Variants in SMAGP observed in about 807,000 individuals in gnomAD.
The protein encoded by SMAGP is small cell transmembrane and glycosylated protein.
SMAGP carries 7 observed loss-of-function variants against 10.1 expected under a neutral mutation model. That is an observed-to-expected ratio of 0.70 (90% confidence interval 0.40 to 1.31). SMAGP has a LOEUF of 1.31. SMAGP is among the 50% of genes most tolerant of loss of function. The pLI is 0.01. For missense variants in SMAGP, 113 were observed against 116.5 expected (o/e 0.97, Z 0.14); for synonymous variants, 49 against 47.2 (o/e 1.04, Z -0.16).
intron 2 of SMAGP, among the ~76,000 whole-genome samples, chr12:51,260,525 C>T (rs12811320): frequency 0.05 from 7,631 of 151,390 alleles, 281 homozygotes; most frequent in Non-Finnish European, 0.082. Flanking sequence ...TACAGGTGCC[C>T]GCCACCACGC....
chr12:51,247,690 T>C (rs1213538567), intron 2 of SMAGP, among the ~76,000 whole-genome samples: 2 of 152,194 alleles, frequency 1.3e-5, no homozygotes, highest in Non-Finnish European at 2.9e-5. Flanking sequence ...ACCAGCTGGC[T>C]GATCCTGGCA....
chr12:51,255,806 C>T (rs903775011), intron 2 of SMAGP, among the ~76,000 whole-genome samples: 10 of 152,280 alleles, frequency 6.6e-5, no homozygotes, highest in African/African-American at 2.4e-4. Context: ...GGGTCTTGCT[C>T]TGTTGTCCAG....
chr12:51,267,654 C>T (rs554101839), intron 2 of SMAGP, among the ~76,000 whole-genome samples: 12 of 152,100 alleles, frequency 7.9e-5, no homozygotes, highest in South Asian at 2.1e-4. Flanking sequence ...CCACCAAGCC[C>T]GGCTAATTTT....
intron 2 of SMAGP, among the ~76,000 whole-genome samples, chr12:51,259,532 T>C (rs890885377): frequency 1.3e-5 from 2 of 152,140 alleles, no homozygotes; most frequent in Non-Finnish European, 2.9e-5. Context: ...ATTTAACACA[T>C]TCCTTGCTCT....
chr12:51,250,750 T>A (rs1000154132), intron 2 of SMAGP, among the ~76,000 whole-genome samples: 1 of 152,196 alleles, frequency 6.6e-6, no homozygotes, highest in Non-Finnish European at 1.5e-5. Context: ...CACAATGATT[T>A]CTGCCTCCTG....
intron 2 of SMAGP, among the ~76,000 whole-genome samples, chr12:51,249,678 C>T (rs567831153): frequency 4.0e-4 from 61 of 151,868 alleles, no homozygotes; most frequent in South Asian, 8.3e-4. Context: ...AGTGCAGTGG[C>T]GCAATCTCGG....
chr12:51,268,920 C>T (rs1316360592), intron 2 of SMAGP, among the ~76,000 whole-genome samples: 6 of 152,098 alleles, frequency 3.9e-5, no homozygotes, highest in Non-Finnish European at 8.8e-5. Context: ...TGGGGTCTCA[C>T]TATGTTCCCC....
intron 2 of SMAGP, among the ~76,000 whole-genome samples, chr12:51,250,621 ATCT>A (rs1346020199): frequency 2.0e-5 from 3 of 151,712 alleles, no homozygotes; most frequent in Admixed American, 1.3e-4. Flanking sequence ...ACCTCAAGCA[ATCT>A]TCCTGCCTTG....
chr12:51,244,563 A>C lies in SMAGP; in HGVS notation c.*1378T>G, dbSNP rs1271864780. Reference sequence around the variant, plus strand: ...TGGACAACAGAGGCAATACATTAAGACTTCAAAGGAGATCTAGCTTTAATT... The same window carrying C: ...TGGACAACAGAGGCAATACATTAAGCCTTCAAAGGAGATCTAGCTTTAATT... On this transcript the variant is annotated 3_prime_UTR_variant, in exon 4 of 4. Coordinates refer to ENST00000603798, the MANE Select transcript of SMAGP (RefSeq NM_001031628.2). 3 of 152,228 alleles carry C rather than the reference A, an allele frequency of 2.0e-5. No individual in the cohort carries two copies. The highest frequency in any genetic ancestry group is 2.9e-5 in the Non-Finnish European group (2 of 68,038). The allele number at this position is 152,228 out of a possible 1,614,324, so 9.4% of individuals were successfully genotyped here.
intron 2 of SMAGP, among the ~76,000 whole-genome samples, chr12:51,268,641 G>A (rs1000906103): frequency 7.3e-6 from 1 of 136,632 alleles, no homozygotes; most frequent in African/African-American, 2.6e-5. Context: ...CCAGGCTGGA[G>A]TGCAATGGCA....
Position 51,254,276 on chromosome 12 carries a change from C to T in SMAGP, c.35-7445G>A, listed in dbSNP as rs570652016. Among the ~76,000 whole-genome samples, 60 of 152,112 alleles carry T rather than the reference C, an allele frequency of 3.9e-4. 2 individuals are homozygous for T. In the East Asian group the frequency reaches 8.9e-3, roughly 23 times the overall value. On this transcript the variant is annotated intron_variant, in intron 2 of 3. Transcript: ENST00000603798. The stretch of plus-strand genomic sequence containing the variant: ...ACAATAAATAAAATAAGGCCGGGCG[C>T]GGTGGCTCATGCCTGTAATCCCAGC...
intron 2 of SMAGP, among the ~76,000 whole-genome samples, chr12:51,249,708 C>G (rs1944817664): frequency 6.6e-6 from 1 of 151,990 alleles, no homozygotes; most frequent in African/African-American, 2.4e-5. Context: ...ACTTCCACCT[C>G]CTGGCTCAAG....
intron 2 of SMAGP, among the ~76,000 whole-genome samples, chr12:51,261,772 T>C (rs1396970443): frequency 1.3e-5 from 2 of 152,108 alleles, no homozygotes; most frequent in Non-Finnish European, 2.9e-5. Context: ...ACTTAGAATG[T>C]CTATCTGGAG....
intron 2 of SMAGP, among the ~76,000 whole-genome samples, chr12:51,251,013 C>T (rs935891363): frequency 6.6e-6 from 1 of 152,168 alleles, no homozygotes; most frequent in African/African-American, 2.4e-5. Flanking sequence ...GAGTTCTATA[C>T]AGTTGTTCCT....
At position 51,266,123 on chromosome 12, in the gene SMAGP, T is replaced by C. The variant is rs566890536; in HGVS notation, c.34+3122A>G. Reference sequence around the variant, plus strand: ...AGTAGTCCCCTCTTATCTGCGGTTTTGCTTTCCTAGGTTTCAGTTACCCGT... The same window carrying C: ...AGTAGTCCCCTCTTATCTGCGGTTTCGCTTTCCTAGGTTTCAGTTACCCGT... On this transcript the variant is annotated intron_variant, in intron 2 of 3. Transcript: ENST00000603798. Among the ~76,000 whole-genome samples the C allele has an allele frequency of 1.3e-3, 191 of 152,172 alleles. 2 individuals are homozygous for C. The highest frequency in any genetic ancestry group is 4.4e-3 in the African/African-American group (181 of 41,536).
chr12:51,266,323 G>A (rs949857818), intron 2 of SMAGP, among the ~76,000 whole-genome samples: 4 of 151,966 alleles, frequency 2.6e-5, no homozygotes, highest in African/African-American at 7.2e-5. Flanking sequence ...TGCTATAAAC[G>A]CTTAGTAGAG....
rs1944753454 is a variant in SMAGP at position 51,245,392 on chromosome 12, G to GT, written c.*548dup. ...AATTTTTAATTTGAATAAAAATCAC[G>GT]TAAGCATGAGGTTGTTGGGGAACAC... On this transcript the variant is annotated 3_prime_UTR_variant, in exon 4 of 4. Coordinates refer to ENST00000603798, the MANE Select transcript of SMAGP (RefSeq NM_001031628.2). 6.5e-6 allele frequency: 1 copy of GT among 152,682 alleles called. No homozygotes were observed. The highest frequency in any genetic ancestry group is 1.5e-5 in the Non-Finnish European group (1 of 68,096). The allele number at this position is 152,682 out of a possible 1,614,324, so 9.5% of individuals were successfully genotyped here. A position where few individuals can be genotyped will look rare whatever the true frequency, so the allele number is the denominator to read the frequency against.
intron 2 of SMAGP, among the ~76,000 whole-genome samples, chr12:51,247,282 A>G (rs1314929934): frequency 1.3e-5 from 2 of 152,216 alleles, no homozygotes; most frequent in Non-Finnish European, 2.9e-5. Flanking sequence ...TTGTATGTGT[A>G]TATATTTACA....
chr12:51,245,545 A>G lies in SMAGP; in HGVS notation c.*396T>C. ...GCCTCTGGGAAGACCTTGTATGGAC[A>G]GTATCTCCACTGGGGCTATCACTAG... On this transcript the variant is annotated 3_prime_UTR_variant, in exon 4 of 4. Coordinates refer to ENST00000603798, the MANE Select transcript of SMAGP (RefSeq NM_001031628.2). The G allele has an allele frequency of 5.9e-6, 1 of 169,466 alleles. No individual in the cohort carries two copies. Among genetic ancestry groups the G allele is most frequent in the Non-Finnish European group, 1.3e-5 (1 of 77,284 alleles). 10.5% of individuals were successfully genotyped at this position (169,466 alleles called of 1,614,324 possible).
Sources: gnomAD v4.1 joint callset for allele counts (sites outside exome capture counted in the v4.1 genomes callset) on GRCh38, gnomAD v4.1.1 for gene constraint, MANE v1.5 for transcripts, NCBI Gene and HGNC (gene_info 2026-07-23, HGNC 2026-07-21) for gene names.